Variants in PHF24 observed in about 807,000 individuals in gnomAD.
PHF24 encodes PHD finger protein 24.
PHF24 carries 25 observed loss-of-function variants against 42.6 expected under a neutral mutation model. The ratio of observed to expected loss-of-function variants is 0.59; its 90% CI spans 0.43 to 0.82. The LOEUF is 0.82. PHF24 is among the 40% of genes least tolerant of loss of function. The probability of loss-of-function intolerance (pLI) is 0.00; values close to 1 mark genes in which losing one functional copy is unlikely to be tolerated. For missense variants in PHF24, 470 were observed against 538.1 expected (o/e 0.87, Z 1.25); for synonymous variants, 185 against 204.8 (o/e 0.90, Z 0.83).
At chr9:34,730,748 T>C in the PHF24 span, among the ~76,000 whole-genome samples, 1 of 152,228 alleles carries the variant, frequency 6.6e-6, no homozygotes, top group Non-Finnish European at 1.5e-5. Flanking sequence ...AGAGGGCTCC[T>C]GGGTAGTCGA....
the PHF24 span, among the ~76,000 whole-genome samples, chr9:34,763,229 G>C: frequency 2.6e-5 from 4 of 151,462 alleles, no homozygotes; most frequent in Non-Finnish European, 4.4e-5. Flanking sequence ...TTCCAATTCT[G>C]TGAAGAAAGT....
the PHF24 span, among the ~76,000 whole-genome samples, chr9:34,886,211 T>A: frequency 1.3e-5 from 2 of 151,654 alleles, no homozygotes; most frequent in Non-Finnish European, 2.9e-5. Context: ...GACTGGATCT[T>A]TTCTATCACC....
At chr9:34,854,924 G>A in the PHF24 span, among the ~76,000 whole-genome samples, 1 of 152,096 alleles carries the variant, frequency 6.6e-6, no homozygotes, top group East Asian at 1.9e-4. Context: ...TCTCTTTGAA[G>A]GTCTCTAAGA....
At chr9:34,836,249 T>C in the PHF24 span, among the ~76,000 whole-genome samples, 4 of 152,130 alleles carry the variant, frequency 2.6e-5, no homozygotes, top group Non-Finnish European at 5.9e-5. Flanking sequence ...TTAGGACTTG[T>C]TGGACAAGGC....
chr9:34,775,909 G>A, the PHF24 span, among the ~76,000 whole-genome samples: 1 of 152,110 alleles, frequency 6.6e-6, no homozygotes, highest in Non-Finnish European at 1.5e-5. Context: ...ATATTATTTG[G>A]CAATAAAAAG....
At chr9:34,702,243 G>C in the PHF24 span, among the ~76,000 whole-genome samples, 1 of 152,068 alleles carries the variant, frequency 6.6e-6, no homozygotes, top group Non-Finnish European at 1.5e-5. Flanking sequence ...AAGGAAATGA[G>C]AATGGAAAAT....
At chr9:34,918,821 C>T in the PHF24 span, among the ~76,000 whole-genome samples, 11 of 152,106 alleles carry the variant, frequency 7.2e-5, no homozygotes, top group Admixed American at 3.3e-4. Context: ...TTATTAAGAT[C>T]ACTTTGCATG....
the PHF24 span, among the ~76,000 whole-genome samples, chr9:34,776,822 GGGA>G: frequency 2.0e-5 from 3 of 152,040 alleles, no homozygotes; most frequent in South Asian, 6.2e-4. Context: ...CAACACAATT[GGGA>G]CAACACAATT....
At chr9:34,772,291 A>G in the PHF24 span, among the ~76,000 whole-genome samples, 25 of 152,370 alleles carry the variant, frequency 1.6e-4, 1 homozygote, top group South Asian at 5.2e-3. Context: ...AAATATGCCA[A>G]TATTTAGACT....
chr9:34,837,419 GA>G, the PHF24 span: 5 of 458,716 alleles, frequency 1.1e-5, no homozygotes, highest in Non-Finnish European at 1.6e-5. Flanking sequence ...ACTAGCAAAT[GA>G]CACAGCTAAG....
chr9:34,690,551 T>C, the PHF24 span, among the ~76,000 whole-genome samples: 1 of 151,948 alleles, frequency 6.6e-6, no homozygotes, highest in African/African-American at 2.4e-5. Flanking sequence ...TTGCTAAATA[T>C]ATTGTCATAC....
chr9:34,748,036 C>T, the PHF24 span, among the ~76,000 whole-genome samples: 3 of 151,946 alleles, frequency 2.0e-5, no homozygotes, highest in Non-Finnish European at 4.4e-5. Context: ...ATAGTATATA[C>T]TATATAATTT....
chr9:34,680,514 C>T, the PHF24 span, among the ~76,000 whole-genome samples: 2 of 151,134 alleles, frequency 1.3e-5, no homozygotes, highest in Non-Finnish European at 3.0e-5. Flanking sequence ...CGGTGAAACC[C>T]CGTCTCTACT....
At chr9:34,690,450 G>GTGTGTA in the PHF24 span, 1 of 956,704 alleles carries the variant, frequency 1.0e-6, no homozygotes, top group African/African-American at 1.6e-5. Context: ...GTGTGTGTGT[G>GTGTGTA]TGTGTGTGTG....
the PHF24 span, among the ~76,000 whole-genome samples, chr9:34,860,705 T>C: frequency 6.6e-6 from 1 of 152,050 alleles, no homozygotes; most frequent in Non-Finnish European, 1.5e-5. Flanking sequence ...TGTGTGTGTG[T>C]GTGCATGCAC....
rs758403776 is a variant in PHF24, at chr9:34,972,333, C to T, written c.379-13C>T. On this transcript the variant is annotated splice_polypyrimidine_tract_variant and intron_variant, in intron 2 of 7. Coordinates refer to ENST00000242315, the Ensembl canonical transcript of PHF24. ...TTTACACATCCCTGTTTCCTCCTGC[C>T]ATCTTTCTGCAGGTTGTCAACGATG... The T allele has an allele frequency of 4.4e-6, 7 of 1,592,936 alleles. No homozygotes were observed. The Admixed American group carries it at 6.8e-5, about 16-fold the overall frequency.
the PHF24 span, among the ~76,000 whole-genome samples, chr9:34,707,481 C>G: frequency 6.6e-6 from 1 of 152,188 alleles, no homozygotes; most frequent in South Asian, 2.1e-4. Context: ...ATTTAAGGAA[C>G]ATTTCAAAAG....
At chr9:34,956,469 A>G (rs930707273), upstream of PHF24, among the ~76,000 whole-genome samples, 36 of 152,216 alleles carry the variant, frequency 2.4e-4, no homozygotes, top group African/African-American at 8.7e-4. Flanking sequence ...TATGTTGGCC[A>G]GGCTGGTCTC....
the PHF24 span, among the ~76,000 whole-genome samples, chr9:34,786,940 C>T: frequency 7.4e-6 from 1 of 135,242 alleles, no homozygotes; most frequent in Non-Finnish European, 1.7e-5. Context: ...ACAGGATTTC[C>T]AACAGAAGGC....
Sources: gnomAD v4.1 joint callset for allele counts (sites outside exome capture counted in the v4.1 genomes callset) on GRCh38, gnomAD v4.1.1 for gene constraint, MANE v1.5 for transcripts, NCBI Gene and HGNC (gene_info 2026-07-23, HGNC 2026-07-21) for gene names.